PTPRD: variants seen among roughly 807,000 people sequenced by gnomAD.
The protein encoded by PTPRD is protein tyrosine phosphatase receptor type D, also known as receptor-type tyrosine-protein phosphatase delta.
PTPRD carries 34 observed loss-of-function variants against 214.5 expected under a neutral mutation model. The observed-to-expected ratio is 0.16, with a 90% confidence interval of 0.12 to 0.21. The LOEUF is 0.21. Among genes scored for constraint, PTPRD ranks in the 10% least tolerant of loss-of-function variants. The pLI is 1.00. For synonymous variants in PTPRD, 1,128 were observed against 845.7 expected, an observed-to-expected ratio of 1.33 and a Z score of -5.79; for missense variants, 2,545 against 2,398.7, an observed-to-expected ratio of 1.06 and a Z score of -1.27.
chr9:10,204,704 T>C (rs1046603240), intron 3 of PTPRD, among the ~76,000 whole-genome samples: 12 of 152,154 alleles, frequency 7.9e-5, no homozygotes, highest in Non-Finnish European at 1.5e-4. Flanking sequence ...GAAGATTTGA[T>C]TGGAAAAAGT....
intron 11 of PTPRD, among the ~76,000 whole-genome samples, chr9:8,752,963 A>G (rs1287108673): frequency 6.6e-6 from 1 of 152,236 alleles, no homozygotes; most frequent in Non-Finnish European, 1.5e-5. Flanking sequence ...CATGCACTAT[A>G]AAACAAAGAT....
intron 11 of PTPRD, among the ~76,000 whole-genome samples, chr9:8,875,409 T>C (rs1034366447): frequency 6.6e-6 from 1 of 152,124 alleles, no homozygotes; most frequent in African/African-American, 2.4e-5. Flanking sequence ...ATTCCTGTAG[T>C]CCCAGCTACA....
Position 9,404,560 on chromosome 9 carries a change from C to T in PTPRD, c.-236-7078G>A, listed in dbSNP as rs559906665. 4.6e-5 allele frequency among the ~76,000 whole-genome samples: 7 copies of T among 152,174 alleles called. No individual in the cohort carries two copies. In the East Asian group the frequency reaches 9.7e-4, roughly 21 times the overall value. Reference sequence around the variant, plus strand: ...GCAACACTGGAATAGGAAAAATACACGTTTACTGTATCTGTATCAGCTGTG... The same window carrying T: ...GCAACACTGGAATAGGAAAAATACATGTTTACTGTATCTGTATCAGCTGTG... On this transcript the variant is annotated intron_variant, in intron 8 of 45. Transcript: ENST00000381196.
intron 2 of PTPRD, among the ~76,000 whole-genome samples, chr9:10,389,844 C>T (rs1445041745): frequency 6.6e-6 from 1 of 151,786 alleles, no homozygotes; most frequent in African/African-American, 2.4e-5. Flanking sequence ...CGAGATCCTT[C>T]TTTTTTTCTT....
chr9:8,504,433 C>T (rs759934499), intron 22 of PTPRD, 28 bp from the exon 23 acceptor site: 7 of 1,613,412 alleles, frequency 4.3e-6, no homozygotes, highest in African/African-American at 2.7e-5. Flanking sequence ...ATGTGGTCAT[C>T]TTCATTAAGG....
At chr9:8,320,114 A>C in intron 44 of PTPRD, 148 bp from the exon 45 acceptor site, 1 of 971,762 alleles carries the variant, frequency 1.0e-6, no homozygotes. Context: ...CATTCATCAA[A>C]TGATTACTCT....
chr9:10,031,625 C>CATATATATATATATATATATATAT (rs1171466919), intron 4 of PTPRD, among the ~76,000 whole-genome samples: 86 of 87,252 alleles, frequency 9.9e-4, no homozygotes, highest in Admixed American at 3.0e-3. Flanking sequence ...TAAAAAACTC[C>CATATATATATATATATATATATAT]ATATATATAT....
chr9:9,747,980 T>G (rs1201918464), intron 6 of PTPRD, among the ~76,000 whole-genome samples: 1 of 152,182 alleles, frequency 6.6e-6, no homozygotes, highest in East Asian at 1.9e-4. Flanking sequence ...AATGTTGTGA[T>G]TAAGCTTATG....
At chr9:9,822,607 T>C (rs1457229876) in intron 5 of PTPRD, among the ~76,000 whole-genome samples, 1 of 151,220 alleles carries the variant, frequency 6.6e-6, no homozygotes, top group Non-Finnish European at 1.5e-5. Flanking sequence ...AAATTATTTG[T>C]AATGTTATTT....
intron 12 of PTPRD, among the ~76,000 whole-genome samples, chr9:8,691,419 G>C (rs2097797681): frequency 6.6e-6 from 1 of 151,470 alleles, no homozygotes; most frequent in Non-Finnish European, 1.5e-5. Flanking sequence ...AAATAGAAGA[G>C]TGCTATTATC....
chr9:9,196,716 T>C (rs2132094404), intron 9 of PTPRD, among the ~76,000 whole-genome samples: 1 of 152,334 alleles, frequency 6.6e-6, no homozygotes, highest in East Asian at 1.9e-4. Flanking sequence ...TCTTGTAATA[T>C]GTATGCAATA....
intron 2 of PTPRD, among the ~76,000 whole-genome samples, chr9:10,508,100 C>T (rs554511147): frequency 1.9e-4 from 29 of 152,016 alleles, no homozygotes; most frequent in Admixed American, 1.1e-3. Context: ...AACAAATTTA[C>T]GAGAAGTAAA....
intron 8 of PTPRD, among the ~76,000 whole-genome samples, chr9:9,405,018 A>G (rs928335495): frequency 1.3e-5 from 2 of 152,050 alleles, no homozygotes; most frequent in Admixed American, 6.6e-5. Flanking sequence ...TGGATTCAGG[A>G]TAACATCCCG....
chr9:8,479,512 C>T (rs994931791), intron 30 of PTPRD, among the ~76,000 whole-genome samples: 4 of 151,824 alleles, frequency 2.6e-5, no homozygotes, highest in Non-Finnish European at 5.9e-5. Flanking sequence ...AATATAGAAG[C>T]GGAAAGTGCA....
chr9:9,316,783 A>C (rs1270753924), intron 9 of PTPRD, among the ~76,000 whole-genome samples: 1 of 152,164 alleles, frequency 6.6e-6, no homozygotes, highest in African/African-American at 2.4e-5. Context: ...TTCCCAAATT[A>C]TTGTCATCGT....
intron 11 of PTPRD, among the ~76,000 whole-genome samples, chr9:9,002,884 T>C (rs754288191): frequency 6.6e-6 from 1 of 152,070 alleles, no homozygotes; most frequent in Non-Finnish European, 1.5e-5. Flanking sequence ...TCTCCCTCCT[T>C]AGATTTTACT....
intron 14 of PTPRD, among the ~76,000 whole-genome samples, chr9:8,588,975 G>T (rs1564551812): frequency 6.6e-6 from 1 of 151,530 alleles, no homozygotes; most frequent in Non-Finnish European, 1.5e-5. Flanking sequence ...ATTCTTAGTG[G>T]GTCACTATAA....
At chr9:8,453,308 C>T (rs10977120) in intron 33 of PTPRD, among the ~76,000 whole-genome samples, 66,144 of 151,552 alleles carry the variant, frequency 0.44, 15,169 homozygotes, top group East Asian at 0.67. Flanking sequence ...GGATTACAGG[C>T]GCCCGCCACC....
chr9:9,418,577 C>G (rs2077678492), intron 8 of PTPRD, among the ~76,000 whole-genome samples: 2 of 151,936 alleles, frequency 1.3e-5, no homozygotes, highest in African/African-American at 4.8e-5. Context: ...ATTTTCTTAT[C>G]TGTAAAATGG....
Sources: allele counts gnomAD v4.1 joint callset (sites outside exome capture counted in the v4.1 genomes callset), GRCh38; gene constraint gnomAD v4.1.1; transcripts MANE v1.5; gene names NCBI Gene and HGNC (gene_info 2026-07-23, HGNC 2026-07-21).